The following MACROD2 variants were observed in gnomAD, a reference collection of about 807,000 sequenced individuals.
The protein encoded by MACROD2 is ADP-ribose glycohydrolase MACROD2.
MACROD2 carries 36 observed loss-of-function variants against 70.4 expected under a neutral mutation model. That is an observed-to-expected ratio of 0.51 (90% confidence interval 0.39 to 0.68). The LOEUF is 0.68. Ranked by LOEUF, MACROD2 falls within the 30% of genes least tolerant of loss-of-function variation. The pLI is 0.00. For synonymous variants in MACROD2, 172 were observed against 178.8 expected, an observed-to-expected ratio of 0.96 and a Z score of 0.30; for missense variants, 496 against 538.4, an observed-to-expected ratio of 0.92 and a Z score of 0.78.
chr20:14,397,534 C>A (rs1015414082), intron 3 of MACROD2, among the ~76,000 whole-genome samples: 1 of 152,064 alleles, frequency 6.6e-6, no homozygotes, highest in Non-Finnish European at 1.5e-5. Context: ...ACACTATTAT[C>A]TTTACATAAA....
intron 7 of MACROD2, among the ~76,000 whole-genome samples, chr20:15,483,884 G>A (rs721318): frequency 0.82 from 124,665 of 151,822 alleles, 51,645 homozygotes; most frequent in East Asian, 0.94. Context: ...GTACATAGGA[G>A]AATGTTTGAC....
intron 5 of MACROD2, among the ~76,000 whole-genome samples, chr20:14,993,540 A>C (rs1041566915): frequency 6.6e-6 from 1 of 152,198 alleles, no homozygotes; most frequent in African/African-American, 2.4e-5. Context: ...TAGAGATAAA[A>C]CAATTATAAA....
intron 6 of MACROD2, among the ~76,000 whole-genome samples, chr20:15,405,072 C>T (rs2045981322): frequency 6.6e-6 from 1 of 151,948 alleles, no homozygotes; most frequent in Admixed American, 6.6e-5. Context: ...ATAAAATGTC[C>T]AAAATAGGCA....
intron 5 of MACROD2, among the ~76,000 whole-genome samples, chr20:14,842,568 T>G (rs142663099): frequency 1.4e-4 from 21 of 152,234 alleles, no homozygotes; most frequent in African/African-American, 4.8e-4. Context: ...GTCTTATTAT[T>G]AAGGCAGATA....
intron 3 of MACROD2, among the ~76,000 whole-genome samples, chr20:14,193,819 C>T (rs2081408579): frequency 6.6e-6 from 1 of 152,132 alleles, no homozygotes; most frequent in South Asian, 2.1e-4. Context: ...GGGTCAGCCT[C>T]CTGAGACACA....
At chr20:14,277,219 G>A (rs770907947) in intron 3 of MACROD2, among the ~76,000 whole-genome samples, 2 of 152,202 alleles carry the variant, frequency 1.3e-5, no homozygotes, top group African/African-American at 2.4e-5. Context: ...GGAGGCTGAG[G>A]GGGGCGGATC....
intron 3 of MACROD2, among the ~76,000 whole-genome samples, chr20:14,194,165 G>A (rs539502974): frequency 6.6e-6 from 1 of 152,324 alleles, no homozygotes; most frequent in Admixed American, 6.5e-5. Context: ...GAACTGGAAT[G>A]TGGCTGCTCC....
chr20:14,240,610 G>C (rs2081920443), intron 3 of MACROD2, among the ~76,000 whole-genome samples: 1 of 152,142 alleles, frequency 6.6e-6, no homozygotes, highest in African/African-American at 2.4e-5. Flanking sequence ...AATACTGCGT[G>C]TTCTCACTTA....
intron 5 of MACROD2, among the ~76,000 whole-genome samples, chr20:15,145,923 G>A (rs1250327722): frequency 6.6e-6 from 1 of 151,886 alleles, no homozygotes. Flanking sequence ...CAAAAAAATT[G>A]TTTATAATAA....
At chr20:14,211,054 T>C (rs1359411084) in intron 3 of MACROD2, among the ~76,000 whole-genome samples, 2 of 152,192 alleles carry the variant, frequency 1.3e-5, no homozygotes, top group Non-Finnish European at 2.9e-5. Flanking sequence ...GTGTCAATCA[T>C]TGGTACATTC....
chr20:14,681,993 C>G (rs896735444), intron 4 of MACROD2, among the ~76,000 whole-genome samples: 1 of 152,032 alleles, frequency 6.6e-6, no homozygotes, highest in African/African-American at 2.4e-5. Context: ...TAGTGCAGTG[C>G]CCAGCACATT....
At chr20:14,101,309 T>A (rs1364753356) in intron 3 of MACROD2, among the ~76,000 whole-genome samples, 1 of 152,048 alleles carries the variant, frequency 6.6e-6, no homozygotes, top group Non-Finnish European at 1.5e-5. Context: ...AAGTACCTAC[T>A]ATATGACAGG....
At chr20:15,077,985 C>T (rs1001225263) in intron 5 of MACROD2, among the ~76,000 whole-genome samples, 9 of 152,146 alleles carry the variant, frequency 5.9e-5, no homozygotes, top group South Asian at 2.1e-4. Flanking sequence ...GGGGAAAGGG[C>T]CACTGGAAAA....
In MACROD2 at chr20:14,025,124, C is replaced by G. The variant is rs965111242; in HGVS notation, c.163+22720C>G. On this transcript the variant is annotated intron_variant, in intron 2 of 17. Coordinates refer to ENST00000684519, the MANE Select transcript of MACROD2 (RefSeq NM_001351661.2). ...ACAGTGTATGTGTCTAGGAATTTCT[C>G]CATTTCTTCTAGATTTTCTAGTTTA... Among the ~76,000 whole-genome samples the G allele has an allele frequency of 5.3e-5, 8 of 152,094 alleles. No homozygotes were observed. In the East Asian group the frequency reaches 9.6e-4, roughly 18 times the overall value.
chr20:14,846,305 C>T (rs2073139351), intron 5 of MACROD2, among the ~76,000 whole-genome samples: 1 of 151,830 alleles, frequency 6.6e-6, no homozygotes, highest in East Asian at 1.9e-4. Context: ...CTCACTGCAA[C>T]CTCCACCTCC....
At chr20:14,248,981 G>A (rs1471129822) in intron 3 of MACROD2, among the ~76,000 whole-genome samples, 1 of 151,960 alleles carries the variant, frequency 6.6e-6, no homozygotes, top group Non-Finnish European at 1.5e-5. Flanking sequence ...TTAGCCAAAT[G>A]GCCATTTTAA....
intron 8 of MACROD2, among the ~76,000 whole-genome samples, chr20:15,672,644 G>T (rs922897371): frequency 1.3e-5 from 2 of 152,164 alleles, no homozygotes; most frequent in Admixed American, 6.6e-5. Context: ...TGGTGCATCA[G>T]AGGTGGCAAA....
chr20:15,947,403 A>G (rs1172007166), intron 12 of MACROD2, among the ~76,000 whole-genome samples: 1 of 150,756 alleles, frequency 6.6e-6, no homozygotes, highest in African/African-American at 2.4e-5. Flanking sequence ...TTGAGACTGG[A>G]GAATGGCAAT....
chr20:15,072,911 G>A (rs437139), intron 5 of MACROD2, among the ~76,000 whole-genome samples: 24,472 of 152,064 alleles, frequency 0.16, 2,659 homozygotes, highest in Non-Finnish European at 0.24. Context: ...AGGTGTTTGG[G>A]TCATGGGGGC....
Sources: gnomAD v4.1 joint callset for allele counts (sites outside exome capture counted in the v4.1 genomes callset) on GRCh38, gnomAD v4.1.1 for gene constraint, MANE v1.5 for transcripts, NCBI Gene and HGNC (gene_info 2026-07-23, HGNC 2026-07-21) for gene names.